CRHR2: variants seen among roughly 807,000 people sequenced by gnomAD.
CRHR2 encodes the protein corticotropin-releasing hormone receptor 2.
A neutral mutation model predicts 57.9 loss-of-function variants in CRHR2; 53 were observed. The observed-to-expected ratio is 0.92, with a 90% CI of 0.73 to 1.15. CRHR2 has a LOEUF of 1.15. Among genes scored for constraint, CRHR2 ranks in the 50% most tolerant of loss-of-function variants. CRHR2 has a pLI of 0.00. For synonymous variants in CRHR2, 213 were observed against 220.9 expected (o/e 0.96, Z 0.32); for missense variants, 532 against 542.6 (o/e 0.98, Z 0.19).
At position 30,655,567 on chromosome 7, in the gene CRHR2, T is replaced by C. The variant is rs756476920; in HGVS notation, c.1053+13A>G. ...AGCTCACTGTGGGGCCCCCATCTGG[T>C]CACAGGCCCCACCTGGAACGACTGC... On this transcript the variant is annotated intron_variant, in intron 10 of 11. Transcript: ENST00000471646. 4 of 1,606,586 alleles carry C rather than the reference T, an allele frequency of 2.5e-6. No homozygotes were observed. The African/African-American group carries it at 4.0e-5, about 16-fold the overall frequency.
intron 8 of CRHR2, among the ~76,000 whole-genome samples, chr7:30,657,001 G>C (rs766085050): frequency 6.6e-6 from 1 of 152,124 alleles, no homozygotes; most frequent in Non-Finnish European, 1.5e-5. Context: ...CAGTGGGGCT[G>C]TTTCCTGACA....
intron 5 of CRHR2, among the ~76,000 whole-genome samples, chr7:30,663,853 CG>C: frequency 6.6e-6 from 1 of 152,318 alleles, no homozygotes; most frequent in South Asian, 2.1e-4. Context: ...GGGAGCTGTG[CG>C]TCAGGGGCTC....
intron 2 of CRHR2, among the ~76,000 whole-genome samples, chr7:30,671,220 A>G (rs1025517005): frequency 6.6e-6 from 1 of 152,172 alleles, no homozygotes; most frequent in African/African-American, 2.4e-5. Context: ...GATCAATTAT[A>G]TGTTATGTGA....
intron 8 of CRHR2, among the ~76,000 whole-genome samples, chr7:30,659,098 C>T (rs557202658): frequency 3.0e-4 from 45 of 152,292 alleles, no homozygotes; most frequent in South Asian, 1.7e-3. Context: ...CTTGAGCATG[C>T]AAGGGTTGGA....
intron 8 of CRHR2, among the ~76,000 whole-genome samples, chr7:30,660,224 C>T (rs773860774): frequency 1.4e-4 from 21 of 152,150 alleles, no homozygotes; most frequent in East Asian, 1.4e-3. Flanking sequence ...AACAGAAGCC[C>T]GCACACTCTT....
At chr7:30,674,648 G>T (rs1409833507) in intron 2 of CRHR2, among the ~76,000 whole-genome samples, 1 of 152,158 alleles carries the variant, frequency 6.6e-6, no homozygotes, top group Non-Finnish European at 1.5e-5. Context: ...ATCCCTCCAG[G>T]GGGGCAAGGG....
rs557785891 is a variant in CRHR2, at chr7:30,670,265, A to G, written c.230-2952T>C. ...ACAGTCCACTCTTGTGTCACAATCCATAGTTTGAAAAATACAAATTCTGTT... is the reference window on the plus strand; with the variant it reads ...ACAGTCCACTCTTGTGTCACAATCCGTAGTTTGAAAAATACAAATTCTGTT... On this transcript the variant is annotated intron_variant, in intron 2 of 11. Coordinates refer to ENST00000471646, the MANE Select transcript of CRHR2 (RefSeq NM_001883.5). Among the ~76,000 whole-genome samples the G allele has an allele frequency of 2.0e-5, 3 of 152,344 alleles. No homozygotes were observed. The East Asian group carries it at 5.8e-4, about 29-fold the overall frequency.
chr7:30,681,740 G>T (rs1325408261), intron 2 of CRHR2, among the ~76,000 whole-genome samples, 175 bp downstream of exon 2: 1 of 152,224 alleles, frequency 6.6e-6, no homozygotes, highest in East Asian at 1.9e-4. Context: ...CGCTGTATTG[G>T]GGGTAGAAGC....
At chr7:30,688,595 C>A (rs1421700382) in intron 2 of CRHR2, among the ~76,000 whole-genome samples, 1 of 152,234 alleles carries the variant, frequency 6.6e-6, no homozygotes, top group Non-Finnish European at 1.5e-5. Context: ...GGCAGTGGCC[C>A]CAGGCCCGAG....
At position 30,681,997 on chromosome 7, in the gene CRHR2, C is replaced by T. The variant is rs376191308; in HGVS notation, c.147G>A (p.Thr49=). The T allele has an allele frequency of 1.0e-5, 16 of 1,606,516 alleles. No individual in the cohort carries two copies. The African/African-American group carries it at 1.7e-4, about 17-fold the overall frequency. Residue 49 remains threonine, a synonymous_variant, in exon 2 of 12, where the codon ACG becomes ACA. Coordinates refer to ENST00000471646, the MANE Select transcript of CRHR2 (RefSeq NM_001883.5). ...YCNTTLDQIG[T]CWPRSAAGAL... is the part of the protein sequence containing the mutation. ...CTCCGGCAGCGCTGCGGGGCCAGCACGTTCCGATCTGGTCCAAGGTCGTGT... is the reference window on the plus strand; with the variant it reads ...CTCCGGCAGCGCTGCGGGGCCAGCATGTTCCGATCTGGTCCAAGGTCGTGT...
intron 2 of CRHR2, among the ~76,000 whole-genome samples, chr7:30,688,607 A>G (rs917194): frequency 0.038 from 5,837 of 152,222 alleles, 131 homozygotes; most frequent in Middle Eastern, 0.058. Flanking sequence ...AGGCCCGAGC[A>G]AGGGTCACCC....
At chr7:30,691,548 A>T (rs255102) in intron 1 of CRHR2, among the ~76,000 whole-genome samples, 59,746 of 152,110 alleles carry the variant, frequency 0.39, 12,391 homozygotes, top group African/African-American at 0.54. Flanking sequence ...CTGTGGTCTC[A>T]GGCTGTGGCC....
At chr7:30,693,710 A>C (rs900478729) in intron 1 of CRHR2, among the ~76,000 whole-genome samples, 21 of 152,162 alleles carry the variant, frequency 1.4e-4, no homozygotes, top group Non-Finnish European at 2.1e-4. Flanking sequence ...AATTGGGGGC[A>C]GTCTTGTGGG....
upstream of CRHR2, among the ~76,000 whole-genome samples, chr7:30,687,410 G>A (rs149229009): frequency 3.3e-5 from 5 of 150,892 alleles, no homozygotes; most frequent in East Asian, 3.9e-4. Flanking sequence ...AGCAGGCGAC[G>A]AAACTATGGA....
chr7:30,685,129 G>A (rs1784829178), upstream of CRHR2, among the ~76,000 whole-genome samples: 1 of 152,186 alleles, frequency 6.6e-6, no homozygotes, highest in African/African-American at 2.4e-5. Context: ...GAGCAGCAGA[G>A]TAAGGCAGGT....
chr7:30,699,874 CT>C, intron 1 of CRHR2: 1 of 1,222,312 alleles, frequency 8.2e-7, no homozygotes, highest in East Asian at 3.3e-5. Context: ...ACCCCCGCCC[CT>C]AGTCATGAGA....
upstream of CRHR2, among the ~76,000 whole-genome samples, chr7:30,685,696 T>C (rs1784841777): frequency 6.6e-6 from 1 of 152,170 alleles, no homozygotes; most frequent in Non-Finnish European, 1.5e-5. Context: ...TGACATCCAA[T>C]CCCACATTCT....
At chr7:30,661,850 G>A (rs1338058855) in intron 7 of CRHR2, among the ~76,000 whole-genome samples, 3 of 152,166 alleles carry the variant, frequency 2.0e-5, no homozygotes, top group African/African-American at 7.2e-5. Flanking sequence ...CACATACCCC[G>A]GGCCAGAGCT....
chr7:30,680,507 C>T (rs887789718), intron 2 of CRHR2, among the ~76,000 whole-genome samples: 8 of 152,208 alleles, frequency 5.3e-5, no homozygotes, highest in African/African-American at 1.9e-4. Flanking sequence ...CAGTCTGAAT[C>T]AGGCATGCTG....
Sources: gnomAD v4.1 joint callset for allele counts (sites outside exome capture counted in the v4.1 genomes callset) on GRCh38, gnomAD v4.1.1 for gene constraint, MANE v1.5 for transcripts, NCBI Gene and HGNC (gene_info 2026-07-23, HGNC 2026-07-21) for gene names.